SYT13: variants seen among roughly 807,000 people sequenced by gnomAD.
SYT13 encodes the protein synaptotagmin 13.
SYT13 carries 21 observed loss-of-function variants against 38.6 expected under a neutral mutation model. That is an observed-to-expected ratio of 0.54 (90% confidence interval 0.39 to 0.78). The LOEUF (loss-of-function observed/expected upper bound fraction) is 0.78. Among genes scored for constraint, SYT13 ranks in the 30% least tolerant of loss-of-function variants. The pLI is 0.00. For missense variants in SYT13, 495 were observed against 548.7 expected (o/e 0.90, Z 0.98); for synonymous variants, 241 against 237.6 (o/e 1.01, Z -0.13).
intron 1 of SYT13, among the ~76,000 whole-genome samples, chr11:45,277,808 C>T (rs779974067): frequency 2.6e-5 from 4 of 152,338 alleles, no homozygotes; most frequent in South Asian, 2.1e-4. Context: ...TCATCTTACA[C>T]TTACAAAGCA....
At chr11:45,256,653 T>C (rs1202291205) in intron 1 of SYT13, among the ~76,000 whole-genome samples, 1 of 152,168 alleles carries the variant, frequency 6.6e-6, no homozygotes, top group Non-Finnish European at 1.5e-5. Context: ...GGCTGGCCTG[T>C]TTGTATTAAG....
At chr11:45,254,573 GC>G (rs1490078077) in intron 2 of SYT13, 169 bp from the exon 3 acceptor site, 4 of 823,588 alleles carry the variant, frequency 4.9e-6, no homozygotes, top group African/African-American at 1.7e-5. Flanking sequence ...CAATGTCACA[GC>G]CCATTAGGCT....
At chr11:45,245,246 G>C (rs1343457338) in intron 5 of SYT13, among the ~76,000 whole-genome samples, 1 of 152,164 alleles carries the variant, frequency 6.6e-6, no homozygotes, top group African/African-American at 2.4e-5. Flanking sequence ...ACATCACAAG[G>C]CTGGACTGGA....
chr11:45,271,091 T>C (rs1854943991), intron 1 of SYT13, among the ~76,000 whole-genome samples: 1 of 152,166 alleles, frequency 6.6e-6, no homozygotes, highest in Non-Finnish European at 1.5e-5. Context: ...TATGCTACAA[T>C]TCTCCTACCC....
intron 1 of SYT13, among the ~76,000 whole-genome samples, chr11:45,276,968 T>C (rs1855018798): frequency 6.6e-6 from 1 of 152,174 alleles, no homozygotes; most frequent in Non-Finnish European, 1.5e-5. Context: ...AGCAGTACTA[T>C]TCACAATGGC....
intron 1 of SYT13, among the ~76,000 whole-genome samples, chr11:45,277,871 G>A (rs892405472): frequency 6.6e-6 from 1 of 152,130 alleles, no homozygotes; most frequent in Non-Finnish European, 1.5e-5. Flanking sequence ...TCATTTATTT[G>A]CCCTCTTCTT....
chr11:45,254,645 A>C, intron 2 of SYT13: 2 of 425,504 alleles, frequency 4.7e-6, no homozygotes, highest in Non-Finnish European at 4.1e-6. Flanking sequence ...CTACACAACA[A>C]TCTACTCTCC....
At chr11:45,259,296 T>A (rs1012113713) in intron 1 of SYT13, among the ~76,000 whole-genome samples, 17 of 152,188 alleles carry the variant, frequency 1.1e-4, no homozygotes, top group Admixed American at 3.9e-4. Context: ...GGAAACATTT[T>A]TGTGTTTATA....
At chr11:45,273,265 T>C (rs1246981621) in intron 1 of SYT13, among the ~76,000 whole-genome samples, 1 of 152,168 alleles carries the variant, frequency 6.6e-6, no homozygotes, top group Non-Finnish European at 1.5e-5. Context: ...AGGGAGACAG[T>C]GGCCTGACAG....
intron 5 of SYT13, 110 bp from the exon 6 acceptor site, chr11:45,244,466 A>C (rs1180547032): frequency 1.5e-6 from 2 of 1,323,754 alleles, no homozygotes; most frequent in Non-Finnish European, 2.0e-6. Flanking sequence ...AAAGATGCTC[A>C]AGAGTTCGGA....
At chr11:45,263,250 C>T (rs1348861240) in intron 1 of SYT13, among the ~76,000 whole-genome samples, 1 of 152,238 alleles carries the variant, frequency 6.6e-6, no homozygotes, top group Non-Finnish European at 1.5e-5. Context: ...TGGGAGTAAA[C>T]AGGACAGATG....
intron 1 of SYT13, among the ~76,000 whole-genome samples, chr11:45,271,395 G>C (rs1854947449): frequency 6.6e-6 from 1 of 152,180 alleles, no homozygotes; most frequent in South Asian, 2.1e-4. Flanking sequence ...CTTCAATGCA[G>C]CATTCAAGGA....
Position 45,286,139 on chromosome 11 carries a change from C to G in SYT13, c.69G>C (p.Leu23Phe). 1 of 1,596,128 alleles carries G rather than the reference C, an allele frequency of 6.3e-7. No individual in the cohort carries two copies. ...GCCGACACAGGCAGGTGACCCCGCACAACGCGAGGATGCTGGTGGCTGTGC... is the reference window on the plus strand; with the variant it reads ...GCCGACACAGGCAGGTGACCCCGCAGAACGCGAGGATGCTGGTGGCTGTGC... ...TLGTATSILA[L>F]CGVTCLCRHM... Residue 23 changes from leucine to phenylalanine, a missense_variant, in exon 1 of 6, where the codon TTG becomes TTC. By Grantham distance (22) the Leu-to-Phe change is conservative (BLOSUM62 0). Transcript: ENST00000020926.
At chr11:45,261,612 GAAAAC>G (rs1369608526) in intron 1 of SYT13, among the ~76,000 whole-genome samples, 6 of 144,568 alleles carry the variant, frequency 4.2e-5, no homozygotes, top group Non-Finnish European at 7.6e-5. Context: ...AAAAAGAAAA[GAAAAC>G]AAAAGGAAAG....
intron 5 of SYT13, among the ~76,000 whole-genome samples, chr11:45,244,662 T>TG (rs2135883458): frequency 6.6e-6 from 1 of 152,274 alleles, no homozygotes; most frequent in East Asian, 1.9e-4. Flanking sequence ...CATTGGGGAT[T>TG]ATTCTCCACT....
chr11:45,247,748 C>T (rs948701923), intron 4 of SYT13, among the ~76,000 whole-genome samples: 6 of 152,278 alleles, frequency 3.9e-5, no homozygotes, highest in African/African-American at 1.4e-4. Flanking sequence ...TGCAATGCAC[C>T]TACTATATTC....
intron 2 of SYT13, among the ~76,000 whole-genome samples, chr11:45,255,422 C>T (rs1328214568): frequency 6.6e-6 from 1 of 152,178 alleles, no homozygotes; most frequent in Non-Finnish European, 1.5e-5. Flanking sequence ...TAGTTGCACA[C>T]ATATGACTAG....
chr11:45,246,761 T>G (rs1018294225), intron 4 of SYT13, among the ~76,000 whole-genome samples: 1 of 152,076 alleles, frequency 6.6e-6, no homozygotes. Context: ...TACCATATAC[T>G]CAAATCCAAC....
intron 1 of SYT13, among the ~76,000 whole-genome samples, chr11:45,260,631 T>C (rs1341989758): frequency 3.3e-5 from 5 of 152,186 alleles, no homozygotes; most frequent in Non-Finnish European, 7.4e-5. Flanking sequence ...CTGGGAAGTA[T>C]ATCTGCAGGA....
Sources: allele counts gnomAD v4.1 joint callset (sites outside exome capture counted in the v4.1 genomes callset), GRCh38; gene constraint gnomAD v4.1.1; transcripts MANE v1.5; gene names NCBI Gene and HGNC (gene_info 2026-07-23, HGNC 2026-07-21).